Variants in CSNK2A1 observed in about 807,000 individuals in gnomAD.
CSNK2A1 encodes casein kinase 2 alpha 1, also known as casein kinase II subunit alpha.
CSNK2A1 carries 10 observed loss-of-function variants against 62.9 expected under a neutral mutation model. The observed-to-expected ratio is 0.16, with a 90% CI of 0.10 to 0.27. The LOEUF is 0.27. CSNK2A1 is among the 10% of genes least tolerant of loss of function. The pLI is 1.00. For synonymous variants in CSNK2A1, 124 were observed against 167.8 expected (o/e 0.74, Z 2.02); for missense variants, 160 against 492.0 (o/e 0.33, Z 6.38).
intron 2 of CSNK2A1, among the ~76,000 whole-genome samples, chr20:520,551 G>A (rs2018924441): frequency 1.3e-5 from 2 of 152,112 alleles, no homozygotes; most frequent in South Asian, 2.1e-4. Context: ...CCACGCTGGA[G>A]TGCAGGGGCA....
rs1452917379 is a variant in CSNK2A1, at chr20:473,691, A to G, written c.*10270T>C. The G allele has an allele frequency of 2.0e-5, 3 of 152,234 alleles. No individual in the cohort carries two copies. Among genetic ancestry groups the G allele is most frequent in the Non-Finnish European group, 4.4e-5 (3 of 68,058 alleles). The allele number at this position is 152,234 out of a possible 1,614,324, so 9.4% of individuals were successfully genotyped here. Reference sequence around the variant, plus strand: ...CATGGTGAAAAACGCTGAAAAGGGTAAAGACTACTGCAGTCTCCATGACCC... The same window carrying G: ...CATGGTGAAAAACGCTGAAAAGGGTGAAGACTACTGCAGTCTCCATGACCC... On this transcript the variant is annotated 3_prime_UTR_variant, in exon 14 of 14. Transcript: ENST00000217244.
intron 1 of CSNK2A1, among the ~76,000 whole-genome samples, chr20:533,859 T>C (rs997317173): frequency 6.6e-6 from 1 of 152,194 alleles, no homozygotes; most frequent in Non-Finnish European, 1.5e-5. Flanking sequence ...GGATTAATAG[T>C]TCTACCCCAA....
Position 543,789 on chromosome 20 carries a change from C to G in CSNK2A1, c.-344G>C. 2.5e-6 allele frequency: 1 copy of G among 398,518 alleles called. No homozygotes were observed. The highest frequency in any genetic ancestry group is 4.4e-6 in the Non-Finnish European group (1 of 226,028). The allele number at this position is 398,518 out of a possible 1,614,324, so 24.7% of individuals were successfully genotyped here. ...GCCAGCCGCAGGGACCAGAGCGAGG[C>G]TGCAGCCGCTGCTGCCGGAAGCGGA... On this transcript the variant is annotated 5_prime_UTR_variant, in exon 1 of 14. Transcript: ENST00000217244.
At chr20:497,360 C>T (rs898708972) in intron 7 of CSNK2A1, among the ~76,000 whole-genome samples, 1 of 152,150 alleles carries the variant, frequency 6.6e-6, no homozygotes, top group Non-Finnish European at 1.5e-5. Flanking sequence ...GTTGCTCAGG[C>T]TGGTCTTGAT....
chr20:492,556 T>G (rs2018257493), intron 8 of CSNK2A1, 192 bp from the exon 9 acceptor site: 9 of 597,170 alleles, frequency 1.5e-5, no homozygotes, highest in Non-Finnish European at 2.0e-5. Context: ...ATTTTGTTCC[T>G]GGAAGACACA....
intron 13 of CSNK2A1, among the ~76,000 whole-genome samples, chr20:484,902 ACTAAAAATACAAAAAT>A (rs1600366565): frequency 6.7e-6 from 1 of 150,246 alleles, no homozygotes; most frequent in East Asian, 2.0e-4. Context: ...CCCCATCTCT[ACTAAAAATACAAAAAT>A]TAGCTGGGCG....
rs570076960 is a variant in CSNK2A1, at chr20:474,359, C to T, written c.*9602G>A. On this transcript the variant is annotated 3_prime_UTR_variant, in exon 14 of 14. Coordinates refer to ENST00000217244, the MANE Select transcript of CSNK2A1 (RefSeq NM_177559.3). Reference sequence around the variant, plus strand: ...ACTAGAATATTTATTTTTGAAAGATCTTTGGTTGCAGGTGTCAGATGAATC... The same window carrying T: ...ACTAGAATATTTATTTTTGAAAGATTTTTGGTTGCAGGTGTCAGATGAATC... 6 of 152,118 alleles carry T rather than the reference C, an allele frequency of 3.9e-5. 1 individual carries two copies. The highest frequency in any genetic ancestry group is 1.4e-4 in the African/African-American group (6 of 41,460). 9.4% of individuals were successfully genotyped at this position (152,118 alleles called of 1,614,324 possible). A position where few individuals can be genotyped will look rare whatever the true frequency, so the allele number is the denominator to read the frequency against.
chr20:516,676 T>A (rs2018834641), intron 2 of CSNK2A1, among the ~76,000 whole-genome samples: 1 of 152,234 alleles, frequency 6.6e-6, no homozygotes, highest in Non-Finnish European at 1.5e-5. Context: ...TTAGTAACAG[T>A]CCAATACCAG....
chr20:498,790 T>C (rs1402761317), intron 6 of CSNK2A1: 1 of 152,308 alleles, frequency 6.6e-6, no homozygotes. Flanking sequence ...TTATAGAGGT[T>C]TGTGTTATGG....
chr20:488,384 G>A lies in CSNK2A1; in HGVS notation c.824+294C>T, dbSNP rs1051050698. ...GAGGTTTTTCACTTAAAGAAGCAAG[G>A]TAAATTTTGATTTTTGCCTCAACTG... On this transcript the variant is annotated intron_variant, in intron 11 of 13. Transcript: ENST00000217244. 1.1e-4 allele frequency: 29 copies of A among 275,302 alleles called. No homozygotes were observed. The Admixed American group carries it at 1.3e-3, about 13-fold the overall frequency. 17.1% of individuals were successfully genotyped at this position (275,302 alleles called of 1,614,324 possible).
intron 11 of CSNK2A1, chr20:487,977 T>C (rs1256770148): frequency 3.9e-6 from 1 of 256,352 alleles, no homozygotes; most frequent in African/African-American, 2.2e-5. Context: ...TCCTGTTGAG[T>C]GGTTAAGTGT....
At position 492,360 on chromosome 20, in the gene CSNK2A1, C is replaced by A; in HGVS notation, c.515G>T (p.Arg172Leu). Residue 172 changes from arginine to leucine, a missense_variant, in exon 9 of 14, where the codon CGA (arginine) becomes CTA (leucine). This residue lies in a region of CSNK2A1 where 94 missense variants were observed against 357.6 expected (regional missense o/e 0.26). Coordinates refer to ENST00000217244, the MANE Select transcript of CSNK2A1 (RefSeq NM_177559.3). ...CTCAGCCAAACCCCAGTCTATTAGT[C>A]GTAGCTGAAAAAGAATAAACCATGA... is the stretch of plus-strand genomic sequence containing the variant. ...VMIDHEHRKL[R>L]LIDWGLAEFY... 6.2e-7 allele frequency: 1 copy of A among 1,613,930 alleles called. No individual in the cohort carries two copies. The highest frequency in any genetic ancestry group is 8.5e-7 in the Non-Finnish European group (1 of 1,179,934).
rs889515107 is a variant in CSNK2A1 at position 473,521 on chromosome 20, T to A, written c.*10440A>T. The A allele has an allele frequency of 2.0e-5, 3 of 152,214 alleles. No homozygotes were observed. The highest frequency in any genetic ancestry group is 7.2e-5 in the African/African-American group (3 of 41,440). The allele number at this position is 152,214 out of a possible 1,614,324, so 9.4% of individuals were successfully genotyped here. Reference sequence around the variant, plus strand: ...ATTTGGTGTCCTTCCCTCCACAGACTAAGGCTTTTGTCCGGTAGGGGATAC... The same window carrying A: ...ATTTGGTGTCCTTCCCTCCACAGACAAAGGCTTTTGTCCGGTAGGGGATAC... On this transcript the variant is annotated 3_prime_UTR_variant, in exon 14 of 14. Coordinates refer to ENST00000217244, the MANE Select transcript of CSNK2A1 (RefSeq NM_177559.3).
At position 485,235 on chromosome 20, in the gene CSNK2A1, G is replaced by C. The variant is rs182882608; in HGVS notation, c.1060+1141C>G. Among the ~76,000 whole-genome samples the C allele has an allele frequency of 2.1e-3, 318 of 149,298 alleles. 9 individuals carry two copies. The highest frequency in any genetic ancestry group is 0.017 in the Admixed American group (257 of 14,842). Reference sequence around the variant, plus strand: ...GAGTCTCACTCTCACCCAGGCTGGAGGGCAACGGTGCGATCTCGGCTCACT... The same window carrying C: ...GAGTCTCACTCTCACCCAGGCTGGACGGCAACGGTGCGATCTCGGCTCACT... On this transcript the variant is annotated intron_variant, in intron 13 of 13. Coordinates refer to ENST00000217244, the MANE Select transcript of CSNK2A1 (RefSeq NM_177559.3).
chr20:495,538 C>T (rs2018328410), intron 8 of CSNK2A1, 181 bp downstream of exon 8: 1 of 526,218 alleles, frequency 1.9e-6, no homozygotes, highest in Non-Finnish European at 3.4e-6. Flanking sequence ...TGGGAATATT[C>T]TTAGGAATAT....
intron 9 of CSNK2A1, among the ~76,000 whole-genome samples, chr20:490,769 G>A (rs2018212704): frequency 6.8e-6 from 1 of 147,746 alleles, no homozygotes; most frequent in African/African-American, 2.5e-5. Context: ...GTAGTGGCGT[G>A]ATCATAGCTC....
chr20:527,155 T>C (rs1372538595), intron 2 of CSNK2A1, among the ~76,000 whole-genome samples: 1 of 152,116 alleles, frequency 6.6e-6, no homozygotes, highest in South Asian at 2.1e-4. Flanking sequence ...CTACAGATCC[T>C]ACAGATGGTA....
In CSNK2A1 at chr20:472,988, A is replaced by C. The variant is rs1439599059; in HGVS notation, c.*10973T>G. ...ACACCACTGCACTTCAGCCTGGGCAACAGAGCAAGACCTTGTCTCTAAAAA... is the reference window on the plus strand; with the variant it reads ...ACACCACTGCACTTCAGCCTGGGCACCAGAGCAAGACCTTGTCTCTAAAAA... On this transcript the variant is annotated 3_prime_UTR_variant, in exon 14 of 14. Transcript: ENST00000217244. 1 of 152,324 alleles carries C rather than the reference A, an allele frequency of 6.6e-6. No homozygotes were observed. Among genetic ancestry groups the C allele is most frequent in the Admixed American group, 6.5e-5 (1 of 15,286 alleles). The allele number at this position is 152,324 out of a possible 1,614,324, so 9.4% of individuals were successfully genotyped here.
Position 483,767 on chromosome 20 carries a change from T to TA in CSNK2A1, c.*193dup, listed in dbSNP as rs971230901. On this transcript the variant is annotated 3_prime_UTR_variant, in exon 14 of 14. Coordinates refer to ENST00000217244, the MANE Select transcript of CSNK2A1 (RefSeq NM_177559.3). ...CCCCTGAGTTATGAAAAGTTCGAGT[T>TA]AAAAAAAAAAAGAAAAAAGAAAATC... 7,317 of 319,500 alleles carry TA rather than the reference T, an allele frequency of 0.023. No homozygotes were observed. The highest frequency in any genetic ancestry group is 0.032 in the Middle Eastern group (36 of 1,128). The allele number at this position is 319,500 out of a possible 1,614,324, so 19.8% of individuals were successfully genotyped here.
Sources: gnomAD v4.1 joint callset for allele counts (sites outside exome capture counted in the v4.1 genomes callset) on GRCh38, gnomAD v4.1.1 for gene constraint, gnomAD v4.1.1 regional missense constraint, MANE v1.5 for transcripts, NCBI Gene and HGNC (gene_info 2026-07-23, HGNC 2026-07-21) for gene names.